Variants in GC observed in about 807,000 individuals in gnomAD.
GC encodes GC vitamin D binding protein, also known as vitamin D-binding protein.
GC carries 43 observed loss-of-function variants against 56.7 expected under a neutral mutation model. That is an observed-to-expected ratio of 0.76 (90% confidence interval 0.59 to 0.98). GC has a LOEUF of 0.98. Among genes scored for constraint, GC ranks in the 50% least tolerant of loss-of-function variants. The pLI is 0.00. For synonymous variants in GC, 216 were observed against 202.7 expected, an observed-to-expected ratio of 1.07 and a Z score of -0.56; for missense variants, 529 against 545.9, an observed-to-expected ratio of 0.97 and a Z score of 0.31.
intron 1 of GC, among the ~76,000 whole-genome samples, chr4:71,792,655 T>C (rs1743000484): frequency 2.0e-5 from 3 of 152,206 alleles, no homozygotes; most frequent in Non-Finnish European, 2.9e-5. Context: ...GCAGAAGCTC[T>C]TTAATTTAAT....
intron 8 of GC, among the ~76,000 whole-genome samples, chr4:71,756,230 T>G (rs1741764981): frequency 6.6e-6 from 1 of 152,216 alleles, no homozygotes; most frequent in Admixed American, 6.5e-5. Flanking sequence ...ATAAAACTAG[T>G]TAATAATATT....
At chr4:71,776,684 G>A (rs1374687384) in intron 1 of GC, among the ~76,000 whole-genome samples, 1 of 151,806 alleles carries the variant, frequency 6.6e-6, no homozygotes, top group Non-Finnish European at 1.5e-5. Flanking sequence ...AGATGGTAGA[G>A]GAGTTCATTG....
chr4:71,795,078 T>G (rs1039661489), intron 1 of GC, among the ~76,000 whole-genome samples: 1 of 152,146 alleles, frequency 6.6e-6, no homozygotes, highest in Non-Finnish European at 1.5e-5. Context: ...TTACTTCCAA[T>G]TACATGGTCA....
intron 1 of GC, among the ~76,000 whole-genome samples, chr4:71,793,108 T>A (rs536841933): frequency 6.6e-6 from 1 of 152,324 alleles, no homozygotes; most frequent in East Asian, 1.9e-4. Flanking sequence ...TCTTCCAGCT[T>A]TGTTCTTTTT....
At chr4:71,797,782 G>A (rs1014422426) in intron 1 of GC, among the ~76,000 whole-genome samples, 4 of 152,184 alleles carry the variant, frequency 2.6e-5, no homozygotes, top group Non-Finnish European at 4.4e-5. Flanking sequence ...GACCAGAGCT[G>A]TTCCCATTCG....
intron 12 of GC, among the ~76,000 whole-genome samples, chr4:71,745,318 T>G (rs1741330801): frequency 6.6e-6 from 1 of 152,200 alleles, no homozygotes; most frequent in Non-Finnish European, 1.5e-5. Context: ...GACTGTTAAT[T>G]TTCTTTTTTA....
At chr4:71,794,265 G>A (rs1291301762) in intron 1 of GC, among the ~76,000 whole-genome samples, 2 of 152,068 alleles carry the variant, frequency 1.3e-5, no homozygotes, top group Non-Finnish European at 2.9e-5. Context: ...GGTAGAATTC[G>A]GCTGTGAATC....
Position 71,753,296 on chromosome 4 carries a change from G to C in GC, c.1263-646C>G, listed in dbSNP as rs144348015. Among the ~76,000 whole-genome samples, 6 of 152,206 alleles carry C rather than the reference G, an allele frequency of 3.9e-5. No individual in the cohort carries two copies. The East Asian group carries it at 1.2e-3, about 29-fold the overall frequency. On this transcript the variant is annotated intron_variant, in intron 10 of 12. Coordinates refer to ENST00000273951, the MANE Select transcript of GC (RefSeq NM_000583.4). ...TTATGACTTTCTTCAGGAAATGCTT[G>C]CCAGCCCAGCGGGGGGCAATGGGAG...
chr4:71,768,310 A>C lies in GC; in HGVS notation c.252T>G (p.Tyr84Ter), dbSNP rs756931884. 7 of 1,606,674 alleles carry C rather than the reference A, an allele frequency of 4.4e-6. No individual in the cohort carries two copies. The highest frequency in any genetic ancestry group is 6.0e-6 in the Non-Finnish European group (7 of 1,176,102). ...AGCCACAGAAACCTACCCTGGTGTCATAGCAGTCAGGGTCAGCCCCTTCCG... is the reference window on the plus strand; with the variant it reads ...AGCCACAGAAACCTACCCTGGTGTCCTAGCAGTCAGGGTCAGCCCCTTCCG... ...CCAEGADPDC[Y>*]DTRTSALSAK... The change falls in exon 3 of 13, where the codon TAT (tyrosine) becomes TAG (stop). Residue 84 changes from tyrosine to a stop codon, truncating the protein, a stop_gained. Transcript: ENST00000273951. LOFTEE classifies it high-confidence loss of function.
chr4:71,805,488 C>T (rs964840820), upstream of GC, among the ~76,000 whole-genome samples: 3 of 152,150 alleles, frequency 2.0e-5, no homozygotes, highest in Non-Finnish European at 4.4e-5. Flanking sequence ...AGCTAGGGGA[C>T]TGTCCAGCAC....
chr4:71,747,599 T>C (rs1175513153), intron 11 of GC, among the ~76,000 whole-genome samples: 2 of 152,152 alleles, frequency 1.3e-5, no homozygotes, highest in Non-Finnish European at 2.9e-5. Context: ...AAGGATATTG[T>C]TGGCGTGCCT....
chr4:71,741,910 G>C, intron 12 of GC, 40 bp from the exon 13 acceptor site: 1 of 702,706 alleles, frequency 1.4e-6, no homozygotes, highest in Non-Finnish European at 2.6e-6. Flanking sequence ...TAGAAAAACA[G>C]AGCTAATGGG....
At chr4:71,762,906 G>A (rs930230406) in intron 6 of GC, among the ~76,000 whole-genome samples, 16 of 152,156 alleles carry the variant, frequency 1.1e-4, no homozygotes, top group East Asian at 7.7e-4. Context: ...CTTTATCAGC[G>A]GAGTGAAAAT....
At chr4:71,766,623 C>A (rs1742167513) in intron 3 of GC, among the ~76,000 whole-genome samples, 2 of 152,068 alleles carry the variant, frequency 1.3e-5, no homozygotes, top group African/African-American at 4.8e-5. Flanking sequence ...TTCTAAAAAT[C>A]TTTTCTACCA....
At chr4:71,789,118 G>A (rs958505099) in intron 1 of GC, among the ~76,000 whole-genome samples, 1 of 151,778 alleles carries the variant, frequency 6.6e-6, no homozygotes, top group Non-Finnish European at 1.5e-5. Flanking sequence ...GAGAGAAAGA[G>A]AAGCAGAAGG....
intron 5 of GC, 113 bp downstream of exon 5, chr4:71,763,691 G>T (rs1308297841): frequency 2.2e-6 from 2 of 893,572 alleles, no homozygotes; most frequent in Non-Finnish European, 3.5e-6. Flanking sequence ...AGATGCAAGG[G>T]TGGCATTTTA....
chr4:71,760,559 A>G (rs1384760117), intron 6 of GC, among the ~76,000 whole-genome samples: 1 of 152,206 alleles, frequency 6.6e-6, no homozygotes, highest in Non-Finnish European at 1.5e-5. Context: ...ATTAAAATAC[A>G]AGTTAACAGT....
intron 1 of GC, among the ~76,000 whole-genome samples, chr4:71,800,731 T>G (rs1266811407): frequency 6.6e-6 from 1 of 152,200 alleles, no homozygotes; most frequent in African/African-American, 2.4e-5. Flanking sequence ...CTCCACAGCC[T>G]TGCCAGCATC....
At chr4:71,770,278 C>G (rs926689426) in intron 1 of GC, among the ~76,000 whole-genome samples, 2 of 152,136 alleles carry the variant, frequency 1.3e-5, no homozygotes, top group Non-Finnish European at 2.9e-5. Flanking sequence ...AGAGAGCGAG[C>G]TGGCTAGGAG....
Sources: allele counts gnomAD v4.1 joint callset (sites outside exome capture counted in the v4.1 genomes callset), GRCh38; gene constraint gnomAD v4.1.1; transcripts MANE v1.5; gene names NCBI Gene and HGNC (gene_info 2026-07-23, HGNC 2026-07-21).